The following TTLL9 variants were observed in gnomAD, a reference collection of about 807,000 sequenced individuals.
TTLL9 encodes tubulin tyrosine ligase like 9, also known as probable tubulin polyglutamylase TTLL9.
In TTLL9, 47 loss-of-function variants were observed where a neutral mutation model predicts 65.6. The observed-to-expected ratio is 0.72, with a 90% CI of 0.57 to 0.91. The LOEUF (loss-of-function observed/expected upper bound fraction) is 0.91, where lower values mean the gene tolerates loss of function less well. Among genes scored for constraint, TTLL9 ranks in the 40% least tolerant of loss-of-function variants. TTLL9 has a pLI of 0.00. For synonymous variants in TTLL9, 179 were observed against 204.8 expected (o/e 0.87, Z 1.07); for missense variants, 537 against 568.8 (o/e 0.94, Z 0.57).
chr20:31,942,119 G>C (rs1333568601), intron 14 of TTLL9, among the ~76,000 whole-genome samples: 2 of 152,166 alleles, frequency 1.3e-5, no homozygotes, highest in African/African-American at 4.8e-5. Flanking sequence ...TGAGTGTCTG[G>C]GAAGCAGGGA....
intron 2 of TTLL9, among the ~76,000 whole-genome samples, chr20:31,879,289 C>A (rs368304722): frequency 2.0e-5 from 3 of 152,344 alleles, no homozygotes; most frequent in East Asian, 1.9e-4. Flanking sequence ...CCAATGCACT[C>A]CAACCTGGGC....
At chr20:31,940,170 C>A (rs1337715198) in intron 14 of TTLL9, 1 of 152,186 alleles carries the variant, frequency 6.6e-6, no homozygotes, top group Non-Finnish European at 1.5e-5. Context: ...AACCAAATTT[C>A]TTTCCAGAAA....
chr20:31,903,560 C>T (rs1225947293), intron 4 of TTLL9, among the ~76,000 whole-genome samples: 1 of 152,124 alleles, frequency 6.6e-6, no homozygotes, highest in Non-Finnish European at 1.5e-5. Context: ...AATCCAAGGT[C>T]ACAAAGATTT....
chr20:31,917,513 C>A (rs1005909154), intron 6 of TTLL9, among the ~76,000 whole-genome samples: 10 of 152,182 alleles, frequency 6.6e-5, no homozygotes, highest in African/African-American at 2.4e-4. Context: ...GTGACATGTG[C>A]AGACATTTCT....
At chr20:31,920,917 G>A (rs1453395688) in intron 7 of TTLL9, among the ~76,000 whole-genome samples, 1 of 152,202 alleles carries the variant, frequency 6.6e-6, no homozygotes, top group Non-Finnish European at 1.5e-5. Context: ...ACAATAGGTG[G>A]GAGAGGTGTT....
At chr20:31,942,780 T>C (rs2064235046) in intron 14 of TTLL9, among the ~76,000 whole-genome samples, 165 bp from the exon 15 acceptor site, 1 of 152,188 alleles carries the variant, frequency 6.6e-6, no homozygotes, top group Non-Finnish European at 1.5e-5. Context: ...ACTGACCTGC[T>C]TGAGGGCCAT....
intron 3 of TTLL9, among the ~76,000 whole-genome samples, chr20:31,893,999 C>T (rs182433299): frequency 3.5e-3 from 532 of 151,336 alleles, no homozygotes; most frequent in African/African-American, 0.011. Flanking sequence ...TTCAAATGTA[C>T]GGTTTTTCCT....
At chr20:31,900,731 A>C (rs1196447645) in intron 4 of TTLL9, among the ~76,000 whole-genome samples, 1 of 152,100 alleles carries the variant, frequency 6.6e-6, no homozygotes, top group East Asian at 1.9e-4. Context: ...TGTCATGAAA[A>C]GTGCTTGGGG....
chr20:31,882,432 C>T (rs2063131682), intron 2 of TTLL9, among the ~76,000 whole-genome samples: 2 of 152,106 alleles, frequency 1.3e-5, no homozygotes, highest in Non-Finnish European at 2.9e-5. Flanking sequence ...GAGCAGGACT[C>T]CAGGAATAGA....
At chr20:31,897,615 C>T (rs754813543) in intron 3 of TTLL9, among the ~76,000 whole-genome samples, 20 of 152,182 alleles carry the variant, frequency 1.3e-4, no homozygotes, top group Non-Finnish European at 2.2e-4. Flanking sequence ...CCAGGCTCCA[C>T]ACATGGTCTC....
At chr20:31,928,784 A>G (rs115937770) in intron 10 of TTLL9, among the ~76,000 whole-genome samples, 2,615 of 152,308 alleles carry the variant, frequency 0.017, 76 homozygotes, top group African/African-American at 0.059. Flanking sequence ...AAGATGGAGA[A>G]CCTGGTATAT....
chr20:31,925,915 C>A (rs768564269), intron 9 of TTLL9, 134 bp from the exon 10 acceptor site: 18 of 1,552,840 alleles, frequency 1.2e-5, no homozygotes, highest in African/African-American at 2.7e-5. Context: ...TGGCTTTGCC[C>A]GATTCTCCAA....
chr20:31,871,084 T>C, intron 1 of TTLL9, 38 bp from the exon 2 acceptor site: 1 of 1,584,838 alleles, frequency 6.3e-7, no homozygotes, highest in East Asian at 2.2e-5. Context: ...CATTCATCCA[T>C]CCTCTCACTC....
At chr20:31,880,699 G>A (rs552129314) in intron 2 of TTLL9, among the ~76,000 whole-genome samples, 1 of 152,036 alleles carries the variant, frequency 6.6e-6, no homozygotes, top group East Asian at 1.9e-4. Flanking sequence ...CACTATGTTG[G>A]CCAGGTCTCG....
intron 11 of TTLL9, among the ~76,000 whole-genome samples, chr20:31,934,147 C>T (rs951457131): frequency 2.0e-5 from 3 of 152,250 alleles, no homozygotes; most frequent in Admixed American, 6.5e-5. Context: ...ACGGATTAAT[C>T]GATTAATGTA....
At chr20:31,916,925 T>C (rs988261343) in intron 6 of TTLL9, among the ~76,000 whole-genome samples, 1 of 152,142 alleles carries the variant, frequency 6.6e-6, no homozygotes, top group African/African-American at 2.4e-5. Context: ...CAAGGGAAGC[T>C]GGGAAAACCT....
At chr20:31,908,253 A>G (rs1465612297) in intron 4 of TTLL9, among the ~76,000 whole-genome samples, 1 of 152,150 alleles carries the variant, frequency 6.6e-6, no homozygotes, top group East Asian at 1.9e-4. Flanking sequence ...GTCACACCAC[A>G]GAGAGTCATG....
At chr20:31,874,152 T>C (rs112188986) in intron 2 of TTLL9, among the ~76,000 whole-genome samples, 53 of 152,346 alleles carry the variant, frequency 3.5e-4, no homozygotes, top group African/African-American at 1.2e-3. Context: ...TTGGAAGTAT[T>C]AGTTATTACA....
intron 4 of TTLL9, among the ~76,000 whole-genome samples, chr20:31,903,940 T>C (rs1257563093): frequency 6.6e-6 from 1 of 152,268 alleles, no homozygotes; most frequent in Middle Eastern, 3.2e-3. Flanking sequence ...GATCCCACTT[T>C]GCATTTAGTT....
Sources: gnomAD v4.1 joint callset for allele counts (sites outside exome capture counted in the v4.1 genomes callset) on GRCh38, gnomAD v4.1.1 for gene constraint, MANE v1.5 for transcripts, NCBI Gene and HGNC (gene_info 2026-07-23, HGNC 2026-07-21) for gene names.